The following EPC1 variants were observed in gnomAD, a reference collection of about 807,000 sequenced individuals.
The protein encoded by EPC1 is enhancer of polycomb 1.
Under a neutral mutation model 98.4 loss-of-function variants are expected in EPC1, and 12 were observed. The ratio of observed to expected loss-of-function variants is 0.12; its 90% CI spans 0.08 to 0.20. The LOEUF (loss-of-function observed/expected upper bound fraction) is 0.20, where lower values mean the gene tolerates loss of function less well. EPC1 is among the 10% of genes least tolerant of loss of function. The probability of loss-of-function intolerance (pLI) is 1.00; values close to 1 mark genes in which losing one functional copy is unlikely to be tolerated. For synonymous variants in EPC1, 357 were observed against 363.9 expected (o/e 0.98, Z 0.21); for missense variants, 729 against 990.5 (o/e 0.74, Z 3.54).
At chr10:32,323,526 T>A (rs1837065733) in intron 1 of EPC1, among the ~76,000 whole-genome samples, 1 of 152,240 alleles carries the variant, frequency 6.6e-6, no homozygotes, top group South Asian at 2.1e-4. Context: ...TAGATGAGTC[T>A]TATCAAATAG....
At chr10:32,350,955 C>G (rs970221783), upstream of EPC1, among the ~76,000 whole-genome samples, 2 of 152,116 alleles carry the variant, frequency 1.3e-5, no homozygotes, top group African/African-American at 4.8e-5. Flanking sequence ...CACTTCACCC[C>G]TAGAAACAGC....
Position 32,357,316 on chromosome 10 carries a change from A to G in EPC1, c.3+21175T>C, listed in dbSNP as rs192490273. ...CTGAATTTGGTTTCCCAAACACGAG[A>G]CGCATAAGACAAAAAATAAGACAGT... On this transcript the variant is annotated intron_variant, in intron 1 of 13. Transcript: ENST00000375110. Among the ~76,000 whole-genome samples, 552 of 152,370 alleles carry G rather than the reference A, an allele frequency of 3.6e-3. 6 individuals carry two copies. In the Middle Eastern group the frequency reaches 0.044, roughly 12 times the overall value.
chr10:32,299,386 A>G (rs573068292), intron 2 of EPC1, among the ~76,000 whole-genome samples: 56 of 151,994 alleles, frequency 3.7e-4, no homozygotes, highest in Non-Finnish European at 7.4e-4. Context: ...GGATTTTACC[A>G]TGTTGGCCGG....
chr10:32,308,432 A>C (rs1254461440), intron 1 of EPC1, among the ~76,000 whole-genome samples: 1 of 152,002 alleles, frequency 6.6e-6, no homozygotes, highest in African/African-American at 2.4e-5. Flanking sequence ...AGTTGGTCAG[A>C]AAATGAATAC....
rs772211495 is a variant in EPC1 at position 32,293,561 on chromosome 10, A to G, written c.459+31T>C. On this transcript the variant is annotated intron_variant, in intron 3 of 13. Transcript: ENST00000319778. ...ATACAGTTCTTTACATAGAATATGT[A>G]TATACTTGTTATATACAAATGAAGT... 6.3e-6 allele frequency: 10 copies of G among 1,598,802 alleles called. No homozygotes were observed. The East Asian group carries it at 2.0e-4, about 32-fold the overall frequency.
intron 1 of EPC1, among the ~76,000 whole-genome samples, chr10:32,373,897 C>T (rs759593810): frequency 2.6e-4 from 40 of 152,238 alleles, no homozygotes; most frequent in Non-Finnish European, 4.0e-4. Context: ...ATTTTTTATG[C>T]CACTATCAGT....
At chr10:32,296,666 T>C (rs1414394925) in intron 2 of EPC1, among the ~76,000 whole-genome samples, 1 of 152,170 alleles carries the variant, frequency 6.6e-6, no homozygotes, top group African/African-American at 2.4e-5. Context: ...TCCAGCACTT[T>C]GGGAGGCCAA....
chr10:32,374,064 T>G (rs1169357692), intron 1 of EPC1, among the ~76,000 whole-genome samples: 2 of 152,170 alleles, frequency 1.3e-5, no homozygotes, highest in Non-Finnish European at 2.9e-5. Context: ...TCTCCTCCAA[T>G]TCATCTGTAT....
At chr10:32,307,183 AT>A (rs1432898213) in intron 1 of EPC1, among the ~76,000 whole-genome samples, 1 of 152,154 alleles carries the variant, frequency 6.6e-6, no homozygotes, top group Non-Finnish European at 1.5e-5. Flanking sequence ...GACTTACCAA[AT>A]TTATTTAACC....
At chr10:32,372,768 T>A (rs1839785755) in intron 1 of EPC1, among the ~76,000 whole-genome samples, 2 of 152,226 alleles carry the variant, frequency 1.3e-5, no homozygotes, top group Admixed American at 1.3e-4. Context: ...ATGCCTGTAA[T>A]CCCAGCACTT....
Position 32,271,982 on chromosome 10 carries a change from T to C in EPC1, c.2005+44A>G, listed in dbSNP as rs372693608. 27 of 1,597,330 alleles carry C rather than the reference T, an allele frequency of 1.7e-5. No homozygotes were observed. In the African/African-American group the frequency reaches 3.3e-4, roughly 19 times the overall value. On this transcript the variant is annotated intron_variant, in intron 12 of 13. Coordinates refer to ENST00000319778, the MANE Select transcript of EPC1 (RefSeq NM_001272004.3). ...CTTTGCTGTTTATATTATAGATATA[T>C]GTTATAAATATAACCCAAACAATTT...
At chr10:32,378,110 T>C (rs1186206296) in intron 1 of EPC1, among the ~76,000 whole-genome samples, 1 of 152,090 alleles carries the variant, frequency 6.6e-6, no homozygotes, top group Non-Finnish European at 1.5e-5. Flanking sequence ...AAAAAAACTA[T>C]ATCCATAGTT....
At chr10:32,356,023 C>A (rs1045527387) in intron 1 of EPC1, among the ~76,000 whole-genome samples, 2 of 146,036 alleles carry the variant, frequency 1.4e-5, no homozygotes, top group South Asian at 4.1e-4. Context: ...AACAAAGGAA[C>A]AAAATTTAGA....
At chr10:32,302,410 G>A (rs1186255353) in intron 2 of EPC1, among the ~76,000 whole-genome samples, 10 of 152,122 alleles carry the variant, frequency 6.6e-5, no homozygotes, top group Non-Finnish European at 1.5e-4. Flanking sequence ...CACTTTGGGA[G>A]GCCGAGGCGG....
chr10:32,347,028 C>T lies in EPC1; in HGVS notation c.-113G>A. 2 of 1,498,168 alleles carry T rather than the reference C, an allele frequency of 1.3e-6. No individual in the cohort carries two copies. The highest frequency in any genetic ancestry group is 1.3e-5 in the South Asian group (1 of 77,072). The allele number at this position is 1,498,168 out of a possible 1,614,324, so 92.8% of individuals were successfully genotyped here. ...CAACCGCTGCCGGGGACTTGAGGGG[C>T]GGAGCGCAGAGCCCGCCGTCCGGGC... On this transcript the variant is annotated 5_prime_UTR_variant, in exon 1 of 14. Transcript: ENST00000319778.
upstream of EPC1, among the ~76,000 whole-genome samples, chr10:32,350,451 G>A (rs1839078842): frequency 6.6e-6 from 1 of 152,226 alleles, no homozygotes; most frequent in South Asian, 2.1e-4. Flanking sequence ...GGTTTCAACT[G>A]CTCATGGGAA....
At chr10:32,335,100 G>A (rs1837876274) in intron 1 of EPC1, among the ~76,000 whole-genome samples, 1 of 152,168 alleles carries the variant, frequency 6.6e-6, no homozygotes, top group South Asian at 2.1e-4. Context: ...GCCCTTCCTT[G>A]AGGCTATCAT....
chr10:32,269,934 A>G, intron 13 of EPC1, among the ~76,000 whole-genome samples: 1 of 152,204 alleles, frequency 6.6e-6, no homozygotes, highest in Non-Finnish European at 1.5e-5. Flanking sequence ...TCTGGCATTT[A>G]AAGTGCTCCA....
chr10:32,279,028 G>C (rs186098796), intron 10 of EPC1, among the ~76,000 whole-genome samples: 30 of 152,220 alleles, frequency 2.0e-4, no homozygotes, highest in African/African-American at 6.0e-4. Flanking sequence ...TGCTACAGAT[G>C]TTATATAATA....
Sources: allele counts gnomAD v4.1 joint callset (sites outside exome capture counted in the v4.1 genomes callset), GRCh38; gene constraint gnomAD v4.1.1; transcripts MANE v1.5; gene names NCBI Gene and HGNC (gene_info 2026-07-23, HGNC 2026-07-21).